NRK: variants seen among roughly 807,000 people sequenced by gnomAD.
The protein encoded by NRK is nik-related protein kinase.
NRK carries 67 observed loss-of-function variants against 125.2 expected under a neutral mutation model. The ratio of observed to expected loss-of-function variants is 0.54; its 90% CI spans 0.44 to 0.66. NRK has a LOEUF of 0.66. Ranked by LOEUF, NRK falls within the 30% of genes least tolerant of loss-of-function variation. The pLI is 0.00. For synonymous variants in NRK, 458 were observed against 429.0 expected, an observed-to-expected ratio of 1.07 and a Z score of -0.84; for missense variants, 1,224 against 1,192.9, an observed-to-expected ratio of 1.03 and a Z score of -0.38.
intron 19 of NRK, among the ~76,000 whole-genome samples, chrX:105,929,552 GTTAA>G (rs767005689): frequency 9.1e-6 from 1 of 110,178 alleles, no homozygotes; most frequent in Non-Finnish European, 1.9e-5. Flanking sequence ...CTGTCATTTC[GTTAA>G]TTGTTTCTGG....
chrX:105,836,300 T>C (rs1255677224), intron 2 of NRK, among the ~76,000 whole-genome samples: 1 of 112,096 alleles, frequency 8.9e-6, no homozygotes, highest in Non-Finnish European at 1.9e-5. Context: ...ATATACCATA[T>C]GCTAGATCCT....
chrX:105,822,752 T>C lies in NRK; in HGVS notation c.-94T>C. The C allele has an allele frequency of 4.7e-6, 4 of 847,199 alleles. No homozygotes were observed. In the Admixed American group the frequency reaches 7.8e-5, roughly 17 times the overall value. 69.8% of individuals were successfully genotyped at this position (847,199 alleles called of 1,213,427 possible). A position where few individuals can be genotyped will look rare whatever the true frequency, so the allele number is the denominator to read the frequency against. On this transcript the variant is annotated 5_prime_UTR_variant, in exon 1 of 29. Coordinates refer to ENST00000243300, the MANE Select transcript of NRK (RefSeq NM_198465.4). The stretch of plus-strand genomic sequence containing the variant: ...GACTCCTCTCTCCCGCCCTCCTCCT[T>C]CCTCTCTCCTCCCTTCAACTCTTCA...
chrX:105,847,984 GT>G (rs1055147471), intron 2 of NRK, among the ~76,000 whole-genome samples: 2 of 112,065 alleles, frequency 1.8e-5, no homozygotes, highest in Non-Finnish European at 3.8e-5. Context: ...ACAGGCAAAA[GT>G]TTTTTATCAA....
At chrX:105,946,045 G>A in intron 25 of NRK, 30 bp downstream of exon 25, 1 of 1,184,410 alleles carries the variant, frequency 8.4e-7, no homozygotes, top group South Asian at 1.8e-5. Flanking sequence ...CAAACAGAAT[G>A]CAGGGTCATA....
intron 21 of NRK, 117 bp downstream of exon 21, chrX:105,935,442 G>T: frequency 2.1e-6 from 1 of 486,112 alleles, no homozygotes. Flanking sequence ...TATATTTATA[G>T]TAGTTAATTT....
intron 2 of NRK, among the ~76,000 whole-genome samples, chrX:105,869,065 T>C (rs1157448): frequency 0.12 from 12,747 of 110,564 alleles, 1,807 homozygotes; most frequent in African/African-American, 0.4. Flanking sequence ...TACATTAGTA[T>C]GGGAAGATTA....
intron 4 of NRK, among the ~76,000 whole-genome samples, chrX:105,883,443 A>G (rs773744000): frequency 7.1e-5 from 8 of 112,090 alleles, no homozygotes; most frequent in Admixed American, 1.9e-4. Context: ...CTTAGATGCC[A>G]GGGGTTTATG....
chrX:105,888,557 T>C, intron 5 of NRK, 138 bp downstream of exon 5: 1 of 517,182 alleles, frequency 1.9e-6, no homozygotes, highest in Non-Finnish European at 3.0e-6. Context: ...TGTATTAATC[T>C]GGTCTCACAA....
intron 2 of NRK, among the ~76,000 whole-genome samples, chrX:105,874,085 A>G (rs1398421105): frequency 1.8e-5 from 2 of 111,196 alleles, no homozygotes; most frequent in Non-Finnish European, 3.8e-5. Context: ...ACCTTACTCA[A>G]TACTGTCAGT....
chrX:105,897,696 A>G (rs2040103191), intron 7 of NRK, among the ~76,000 whole-genome samples: 1 of 112,400 alleles, frequency 8.9e-6, no homozygotes, highest in Admixed American at 9.4e-5. Flanking sequence ...AGATAAAAAC[A>G]TGGCACAACA....
chrX:105,855,549 T>G (rs1355360417), intron 2 of NRK, among the ~76,000 whole-genome samples: 2 of 111,602 alleles, frequency 1.8e-5, no homozygotes, highest in East Asian at 5.7e-4. Flanking sequence ...GCAGCATACA[T>G]AATTGATTAT....
intron 6 of NRK, 144 bp downstream of exon 6, chrX:105,894,086 G>T (rs1047713586): frequency 1.8e-5 from 7 of 386,078 alleles, no homozygotes; most frequent in African/African-American, 1.8e-4. Flanking sequence ...AGGCCAAAAA[G>T]CTTTTGAGAA....
chrX:105,874,873 T>G (rs2039793567), intron 2 of NRK, among the ~76,000 whole-genome samples: 1 of 111,651 alleles, frequency 9.0e-6, no homozygotes, highest in Non-Finnish European at 1.9e-5. Flanking sequence ...CAAACTGAAA[T>G]CAACACATTA....
chrX:105,912,592 C>T (rs1413647780), intron 13 of NRK, 56 bp from the exon 14 acceptor site: 2 of 534,987 alleles, frequency 3.7e-6, no homozygotes, highest in Non-Finnish European at 5.8e-6. Context: ...GAAGTTGTTC[C>T]TATCACTTGC....
At chrX:105,941,289 T>G (rs1007934559) in intron 23 of NRK, among the ~76,000 whole-genome samples, 16 of 110,927 alleles carry the variant, frequency 1.4e-4, no homozygotes, top group African/African-American at 4.3e-4. Flanking sequence ...GCAAAAAGCA[T>G]TTGTCCCACT....
chrX:105,858,245 C>T (rs2039556884), intron 2 of NRK, among the ~76,000 whole-genome samples: 1 of 110,362 alleles, frequency 9.1e-6, no homozygotes, highest in Non-Finnish European at 1.9e-5. Context: ...GACTATTCTT[C>T]ATGTTGATTG....
At chrX:105,879,007 T>C (rs1394971700) in intron 2 of NRK, among the ~76,000 whole-genome samples, 1 of 111,437 alleles carries the variant, frequency 9.0e-6, no homozygotes, top group African/African-American at 3.3e-5. Context: ...GGGAGGAAAC[T>C]GTTCCTTGTC....
chrX:105,833,519 A>ACC (rs2039222765), intron 2 of NRK, among the ~76,000 whole-genome samples: 2 of 111,305 alleles, frequency 1.8e-5, no homozygotes, highest in Admixed American at 1.9e-4. Flanking sequence ...TGAGAAATAA[A>ACC]AGCTCAGAGT....
Position 105,822,802 on chromosome X carries a change from C to T in NRK, c.-44C>T. ...ATCCGCTTCCACCTCAGACTCTGCG[C>T]GCACCCAATTCAGTCGCCCGCTCCC... On this transcript the variant is annotated 5_prime_UTR_variant, in exon 1 of 29. Transcript: ENST00000243300. 1 of 1,126,117 alleles carries T rather than the reference C, an allele frequency of 8.9e-7. No individual in the cohort carries two copies. The highest frequency in any genetic ancestry group is 1.8e-5 in the African/African-American group (1 of 55,743). 92.8% of individuals were successfully genotyped at this position (1,126,117 alleles called of 1,213,427 possible).
Sources: gnomAD v4.1 joint callset for allele counts (sites outside exome capture counted in the v4.1 genomes callset) on GRCh38, gnomAD v4.1.1 for gene constraint, MANE v1.5 for transcripts, NCBI Gene and HGNC (gene_info 2026-07-23, HGNC 2026-07-21) for gene names.